Variants in DNMT1 observed in about 807,000 individuals in gnomAD.
The protein encoded by DNMT1 is DNA methyltransferase 1.
In DNMT1, 24 loss-of-function variants were observed where a neutral mutation model predicts 205.3. The observed-to-expected ratio is 0.12, with a 90% CI of 0.08 to 0.16. DNMT1 has a LOEUF of 0.16. Among genes scored for constraint, DNMT1 ranks in the 10% least tolerant of loss-of-function variants. The pLI is 1.00. For synonymous variants in DNMT1, 817 were observed against 839.8 expected (o/e 0.97, Z 0.47); for missense variants, 1,293 against 2,177.7 (o/e 0.59, Z 8.09).
rs1233692005 is a variant in DNMT1, at chr19:10,138,640, G to GT, written c.3949-36dup. ...AGAAGGACGGACAACCCCACCGTCA[G>GT]TGGGACACTCCCAACTGGACTGGCC... On this transcript the variant is annotated intron_variant, in intron 34 of 40. Transcript: ENST00000359526. The surrounding 1 kb of genome is among the most constrained non-coding windows in gnomAD (Gnocchi z 4.1). 6.3e-7 allele frequency: 1 copy of GT among 1,591,410 alleles called. No homozygotes were observed. The highest frequency in any genetic ancestry group is 1.1e-5 in the South Asian group (1 of 90,284).
intron 27 of DNMT1, among the ~76,000 whole-genome samples, chr19:10,148,249 C>A (rs1319386710): frequency 1.3e-5 from 2 of 151,142 alleles, no homozygotes; most frequent in African/African-American, 4.8e-5. Flanking sequence ...GTAATCCCAG[C>A]ACTTTGGGAG....
intron 22 of DNMT1, among the ~76,000 whole-genome samples, chr19:10,152,776 A>G (rs533242353): frequency 2.0e-5 from 3 of 151,894 alleles, no homozygotes; most frequent in Admixed American, 1.3e-4. Context: ...AACAACAACA[A>G]CAACAACAAC....
At chr19:10,162,942 C>A in intron 12 of DNMT1, 194 bp from the exon 13 acceptor site, 1 of 621,126 alleles carries the variant, frequency 1.6e-6, no homozygotes, top group Non-Finnish European at 2.8e-6. Flanking sequence ...ACATCTACAT[C>A]ACCACAGGTT....
At position 10,137,568 on chromosome 19, in the gene DNMT1, T is replaced by G; in HGVS notation, c.4293+264A>C. 1.6e-6 allele frequency: 1 copy of G among 642,436 alleles called. No individual in the cohort carries two copies. Among genetic ancestry groups the G allele is most frequent in the Non-Finnish European group, 2.7e-6 (1 of 371,458 alleles). 39.8% of individuals were successfully genotyped at this position (642,436 alleles called of 1,614,324 possible). On this transcript the variant is annotated intron_variant, in intron 36 of 40. Transcript: ENST00000359526. This position sits in a 1 kb window ranked among gnomAD's most constrained non-coding sequence, Gnocchi z 6.4. Reference sequence around the variant, plus strand: ...CTGGTCTTGGCATCCTGGGAAAACATGCGGGGAGAGGCAGCAAGGGGGAAG... The same window carrying G: ...CTGGTCTTGGCATCCTGGGAAAACAGGCGGGGAGAGGCAGCAAGGGGGAAG...
At chr19:10,157,970 C>G (rs1409230234) in intron 17 of DNMT1, among the ~76,000 whole-genome samples, 2 of 152,232 alleles carry the variant, frequency 1.3e-5, no homozygotes, top group Non-Finnish European at 2.9e-5. Context: ...CAGTTTCAAG[C>G]CAAGTACAGC....
At chr19:10,192,630 C>T (rs1356467233) in intron 1 of DNMT1, among the ~76,000 whole-genome samples, 1 of 151,982 alleles carries the variant, frequency 6.6e-6, no homozygotes, top group Non-Finnish European at 1.5e-5. Flanking sequence ...AAAGGAAGGC[C>T]GGGCCCAAAC....
chr19:10,137,736 T>C lies in DNMT1; in HGVS notation c.4293+96A>G, dbSNP rs1338018771. 4 of 1,494,972 alleles carry C rather than the reference T, an allele frequency of 2.7e-6. No individual in the cohort carries two copies. In the East Asian group the frequency reaches 9.7e-5, roughly 36 times the overall value. 92.6% of individuals were successfully genotyped at this position (1,494,972 alleles called of 1,614,324 possible). A position where few individuals can be genotyped will look rare whatever the true frequency, so the allele number is the denominator to read the frequency against. ...TCGGGAGGAGGAGCCTGGGATCAGA[T>C]TCCATGTCTCCCCTGAGTCTTGGGC... On this transcript the variant is annotated intron_variant, in intron 36 of 40. Transcript: ENST00000359526. The surrounding 1 kb of genome is among the most constrained non-coding windows in gnomAD (Gnocchi z 6.4).
At chr19:10,184,755 G>A (rs1293709345) in intron 1 of DNMT1, among the ~76,000 whole-genome samples, 1 of 152,214 alleles carries the variant, frequency 6.6e-6, no homozygotes, top group Admixed American at 6.5e-5. Context: ...GGTGAGAACA[G>A]GCCTAACCAG....
Position 10,146,847 on chromosome 19 carries a change from A to C in DNMT1, c.2721-323T>G, listed in dbSNP as rs2038214407. ...ACAGTCCCGAGTGGCTCAGTGAGGAACTCAATCCAGCAGAGACTCCTACTG... is the reference window on the plus strand; with the variant it reads ...ACAGTCCCGAGTGGCTCAGTGAGGACCTCAATCCAGCAGAGACTCCTACTG... On this transcript the variant is annotated intron_variant, in intron 27 of 40. Transcript: ENST00000359526. This position sits in a 1 kb window ranked among gnomAD's most constrained non-coding sequence, Gnocchi z 4.4. 6.6e-6 allele frequency among the ~76,000 whole-genome samples: 1 copy of C among 152,206 alleles called. No homozygotes were observed. The highest frequency in any genetic ancestry group is 6.5e-5 in the Admixed American group (1 of 15,280).
chr19:10,175,903 C>G (rs1302126219), intron 6 of DNMT1, among the ~76,000 whole-genome samples: 2 of 152,196 alleles, frequency 1.3e-5, no homozygotes, highest in African/African-American at 2.4e-5. Flanking sequence ...TGCAGTGGCT[C>G]ACGCCTATAA....
intron 7 of DNMT1, among the ~76,000 whole-genome samples, chr19:10,174,608 G>A (rs1213375677): frequency 1.3e-5 from 2 of 152,022 alleles, no homozygotes; most frequent in Non-Finnish European, 2.9e-5. Context: ...TCAGGAAGCT[G>A]AGGATGGAGA....
chr19:10,141,452 C>T (rs1399578869), intron 30 of DNMT1: 5 of 483,982 alleles, frequency 1.0e-5, no homozygotes. Flanking sequence ...GGAAAAAGTG[C>T]TATGCAGAAT....
chr19:10,151,413 G>T lies in DNMT1; in HGVS notation c.2250C>A (p.Val750=). ...KKQNKNRISW[V]GEAVKTDGKK... is the part of the protein sequence containing the mutation. ...CAAGGGTTACCTTGACGGCTTCTCC[G>T]ACCCAAGAGATGCGATTCTTGTTCT... Residue 750 remains valine, a synonymous_variant, in exon 24 of 41, where the codon GTC becomes GTA. Transcript: ENST00000359526. The surrounding 1 kb of genome is among the most constrained non-coding windows in gnomAD (Gnocchi z 5.0). 6.8e-6 allele frequency: 11 copies of T among 1,613,726 alleles called. No homozygotes were observed. The highest frequency in any genetic ancestry group is 9.3e-6 in the Non-Finnish European group (11 of 1,180,014).
rs1402220036 is a variant in DNMT1, at chr19:10,149,608, G to A, written c.2431C>T (p.His811Tyr). The change falls in exon 26 of 41, where the codon CAC becomes TAC. Residue 811 changes from histidine to tyrosine, a missense_variant. By Grantham distance (83) the His-to-Tyr change is moderately conservative (BLOSUM62 2). Around this residue, in one of 13 missense-constraint regions of DNMT1, gnomAD observed 197 missense variants for 353.6 expected, o/e 0.56. Coordinates refer to ENST00000359526, the MANE Select transcript of DNMT1 (RefSeq NM_001130823.3). ...GTGTCTGTCCCAGCGCAGAACCAGT[G>A]GGCGTGAAACATCTGCCCGTTGCTG... Reference protein sequence around the residue: ...DSSNGQMFHAHWFCAGTDTVL... With the variant: ...DSSNGQMFHAYWFCAGTDTVL... The A allele has an allele frequency of 6.2e-7, 1 of 1,614,012 alleles. No individual in the cohort carries two copies. The highest frequency in any genetic ancestry group is 8.5e-7 in the Non-Finnish European group (1 of 1,180,018).
intron 39 of DNMT1, among the ~76,000 whole-genome samples, chr19:10,134,898 G>A (rs1195066136): frequency 1.3e-5 from 2 of 149,586 alleles, no homozygotes; most frequent in Admixed American, 6.7e-5. Context: ...ACCTAGACAC[G>A]TTTCGCTCCC....
chr19:10,142,130 G>C lies in DNMT1; in HGVS notation c.3207C>G (p.Phe1069Leu), dbSNP rs776374384. Residue 1069 changes from phenylalanine to leucine, a missense_variant, in exon 30 of 41, where the codon TTC becomes TTG. Phe to Leu is a conservative substitution (Grantham distance 22). Around this residue, in one of 13 missense-constraint regions of DNMT1, gnomAD observed 167 missense variants for 258.1 expected, o/e 0.65. Transcript: ENST00000359526. ...YWSDEEAVVD[F>L]KAVQGRCTVE... ...CGGTGCAGCGGCCCTGCACAGCCTT[G>C]AAGTCCACCACGGCCTCCTCGTCGC... The C allele has an allele frequency of 1.2e-6, 2 of 1,614,042 alleles. No homozygotes were observed. Among genetic ancestry groups the C allele is most frequent in the East Asian group, 2.2e-5 (1 of 44,880 alleles).
chr19:10,148,809 A>T, intron 27 of DNMT1, 75 bp downstream of exon 27: 2 of 1,611,512 alleles, frequency 1.2e-6, no homozygotes, highest in Non-Finnish European at 1.7e-6. Flanking sequence ...AGCCAACCAG[A>T]CGGAAGCACA....
chr19:10,140,997 G>C lies in DNMT1; in HGVS notation c.3395-88C>G, dbSNP rs1341261140. On this transcript the variant is annotated intron_variant, in intron 31 of 40. Transcript: ENST00000359526. This position sits in a 1 kb window ranked among gnomAD's most constrained non-coding sequence, Gnocchi z 8.4. ...GCGCCTTGTTAACTCAGGCGGCCTC[G>C]CTGTCCCAGAGTCAGTAACACCAGA... The C allele has an allele frequency of 6.2e-7, 1 of 1,613,206 alleles. No homozygotes were observed. The highest frequency in any genetic ancestry group is 1.1e-5 in the South Asian group (1 of 90,960).
Position 10,133,425 on chromosome 19 carries a change from T to C in DNMT1, c.*242A>G. ...AAAGTCTTAATTTCCACTCATACAG[T>C]GGTAGATTTGATATAATGCATAATA... On this transcript the variant is annotated 3_prime_UTR_variant, in exon 41 of 41. Transcript: ENST00000359526. This position sits in a 1 kb window ranked among gnomAD's most constrained non-coding sequence, Gnocchi z 4.1. The C allele has an allele frequency of 1.7e-6, 1 of 576,696 alleles. No individual in the cohort carries two copies. Among genetic ancestry groups the C allele is most frequent in the Admixed American group, 3.0e-5 (1 of 32,936 alleles). The allele number at this position is 576,696 out of a possible 1,614,324, so 35.7% of individuals were successfully genotyped here. A position where few individuals can be genotyped will look rare whatever the true frequency, so the allele number is the denominator to read the frequency against.
Sources: allele counts gnomAD v4.1 joint callset (sites outside exome capture counted in the v4.1 genomes callset), GRCh38; gene constraint gnomAD v4.1.1; regional missense constraint gnomAD v4.1.1; non-coding constraint Gnocchi (gnomAD v3.1); transcripts MANE v1.5; gene names NCBI Gene and HGNC (gene_info 2026-07-23, HGNC 2026-07-21).